The following ABCA13 variants were observed in gnomAD, a reference collection of about 807,000 sequenced individuals.
ABCA13 encodes ATP-binding cassette sub-family A member 13.
Under a neutral mutation model 478.7 loss-of-function variants are expected in ABCA13, and 476 were observed. The observed-to-expected ratio is 0.99, with a 90% CI of 0.92 to 1.07. The LOEUF (loss-of-function observed/expected upper bound fraction) is 1.07, where lower values mean the gene tolerates loss of function less well. Among genes scored for constraint, ABCA13 ranks in the 50% least tolerant of loss-of-function variants. The pLI, the probability that ABCA13 is intolerant of heterozygous loss-of-function variation, is 0.00. For synonymous variants in ABCA13, 2,252 were observed against 2,158.9 expected, an observed-to-expected ratio of 1.04 and a Z score of -1.20; for missense variants, 6,060 against 5,910.6, an observed-to-expected ratio of 1.03 and a Z score of -0.83.
intron 2 of ABCA13, among the ~76,000 whole-genome samples, chr7:48,196,144 C>T (rs575534208): frequency 6.6e-6 from 1 of 152,262 alleles, no homozygotes; most frequent in South Asian, 2.1e-4. Context: ...ATAGAGAGCA[C>T]TAAGTCTGCC....
intron 57 of ABCA13, among the ~76,000 whole-genome samples, chr7:48,594,424 A>C (rs1348841353): frequency 6.7e-6 from 1 of 149,680 alleles, no homozygotes; most frequent in East Asian, 2.0e-4. Flanking sequence ...TTTTTTTATA[A>C]TTTTGATCTG....
chr7:48,585,791 C>G (rs34551031), intron 56 of ABCA13, among the ~76,000 whole-genome samples: 8,286 of 152,016 alleles, frequency 0.055, 249 homozygotes, highest in South Asian at 0.086. Flanking sequence ...ATGATTATAT[C>G]TAAAAAATGA....
At position 48,455,257 on chromosome 7, in the gene ABCA13, T is replaced by C; in HGVS notation, c.12786T>C (p.His4262=). The change falls in exon 43 of 62, where the codon CAT becomes CAC. Residue 4262 remains histidine (H), a synonymous_variant. Transcript: ENST00000435803. ...CTCCCCTCAGACTCACACCTGGACATTACCAGCGGGCCGAGACCTACTTTT... is the reference window on the plus strand; with the variant it reads ...CTCCCCTCAGACTCACACCTGGACACTACCAGCGGGCCGAGACCTACTTTT... ...EYPPLRLTPG[H]YQRAETYFFS... The C allele has an allele frequency of 6.2e-7, 1 of 1,606,754 alleles. No individual in the cohort carries two copies.
At chr7:48,389,322 T>A (rs1815684317) in intron 37 of ABCA13, 102 bp downstream of exon 37, 3 of 1,344,714 alleles carry the variant, frequency 2.2e-6, no homozygotes, top group East Asian at 2.5e-5. Context: ...TTTTTTAAAA[T>A]TTTGAGTCTC....
Position 48,274,210 on chromosome 7 carries a change from C to T in ABCA13, c.4544C>T (p.Ser1515Phe). ...TTAACAACAGACTTTGATTTTGCAT[C>T]TCAGTCCAATTGGAGATATTTTACT... ...NNLTTDFDFA[S>F]QSNWRYFTEL... is the part of the protein sequence containing the mutation. The change falls in exon 17 of 62, where the codon TCT becomes TTT. Residue 1515 changes from serine (S) to phenylalanine (F), a missense_variant. By Grantham distance (155) the Ser-to-Phe change is radical. Coordinates refer to ENST00000435803, the MANE Select transcript of ABCA13 (RefSeq NM_152701.5). 6.2e-7 allele frequency: 1 copy of T among 1,612,780 alleles called. No individual in the cohort carries two copies. The highest frequency in any genetic ancestry group is 1.1e-5 in the South Asian group (1 of 91,014).
intron 58 of ABCA13, among the ~76,000 whole-genome samples, chr7:48,608,832 T>G (rs1476078271): frequency 6.6e-6 from 1 of 152,236 alleles, no homozygotes; most frequent in Non-Finnish European, 1.5e-5. Flanking sequence ...TTGTTCAATT[T>G]TCAGAATTTT....
rs1787273086 is a variant in ABCA13, at chr7:48,568,221, T to G, written c.14355-12003T>G. Among the ~76,000 whole-genome samples the G allele has an allele frequency of 2.0e-5, 3 of 152,134 alleles. No homozygotes were observed. The South Asian group carries it at 6.2e-4, about 31-fold the overall frequency. On this transcript the variant is annotated intron_variant, in intron 55 of 61. Coordinates refer to ENST00000435803, the MANE Select transcript of ABCA13 (RefSeq NM_152701.5). ...CATTGTCAACCATTAATTTACTTTC[T>G]ATCTCCATGGATTTGAGTATCCTGG... is the stretch of plus-strand genomic sequence containing the variant.
At chr7:48,508,804 C>T (rs1256250368) in intron 50 of ABCA13, among the ~76,000 whole-genome samples, 2 of 152,188 alleles carry the variant, frequency 1.3e-5, no homozygotes, top group South Asian at 2.1e-4. Flanking sequence ...GCTGTCTGAG[C>T]TGTGCTACAC....
chr7:48,587,116 T>C (rs1412215407), intron 56 of ABCA13, 38 bp from the exon 57 acceptor site: 4 of 1,610,502 alleles, frequency 2.5e-6, no homozygotes, highest in Non-Finnish European at 3.4e-6. Context: ...GGCACTTTGG[T>C]GAATGCTGGT....
intron 55 of ABCA13, among the ~76,000 whole-genome samples, chr7:48,563,794 TTGTGTG>T (rs200813371): frequency 0.032 from 3,250 of 101,560 alleles, 62 homozygotes; most frequent in African/African-American, 0.03. Context: ...TGTTTACTGC[TTGTGTG>T]TGTGTGTGTG....
intron 59 of ABCA13, among the ~76,000 whole-genome samples, chr7:48,636,064 G>A (rs987957811): frequency 1.3e-5 from 2 of 152,222 alleles, no homozygotes; most frequent in South Asian, 4.1e-4. Context: ...CCGTAAAATA[G>A]GGAGTCTAGT....
rs768708222 is a variant in ABCA13, at chr7:48,364,629, T to A, written c.10689-3165T>A. On this transcript the variant is annotated intron_variant, in intron 31 of 61. Coordinates refer to ENST00000435803, the MANE Select transcript of ABCA13 (RefSeq NM_152701.5). ...TTTCTACCTCAATGAGTTCATTTTA[T>A]TTTTAGCTCCCACGTATGAGTTAGA... Among the ~76,000 whole-genome samples the A allele has an allele frequency of 7.0e-3, 1,063 of 152,302 alleles. 7 individuals carry two copies. Among genetic ancestry groups the A allele is most frequent in the Admixed American group, 0.012 (178 of 15,280 alleles).
intron 3 of ABCA13, among the ~76,000 whole-genome samples, chr7:48,201,039 C>T (rs1273883738): frequency 2.0e-5 from 3 of 152,182 alleles, no homozygotes; most frequent in South Asian, 2.1e-4. Flanking sequence ...ATCGGAGGCT[C>T]GCTCACCGCG....
intron 1 of ABCA13, among the ~76,000 whole-genome samples, chr7:48,174,152 G>A (rs1794529836): frequency 6.6e-6 from 1 of 152,192 alleles, no homozygotes; most frequent in African/African-American, 2.4e-5. Context: ...TTTGAACTAT[G>A]AAAGTGAGGT....
chr7:48,478,953 T>C (rs1349318517), intron 45 of ABCA13, among the ~76,000 whole-genome samples: 1 of 150,706 alleles, frequency 6.6e-6, no homozygotes, highest in Non-Finnish European at 1.5e-5. Flanking sequence ...CTACTCTTTT[T>C]TTTTTTTTTT....
At position 48,309,967 on chromosome 7, in the gene ABCA13, C is replaced by T. The variant is rs138025949; in HGVS notation, c.9342C>T (p.Thr3114=). 85 of 1,613,834 alleles carry T rather than the reference C, an allele frequency of 5.3e-5. No individual in the cohort carries two copies. The East Asian group carries it at 1.4e-3, about 28-fold the overall frequency. The part of the protein sequence containing the change: ...SHSKVLFSAL[T]VALSGKCDQE... ...AACAGGTTCTCTTCAGTGCCCTCAC[C>T]GTAGCTCTGTCTGGAAAGTGTGATC... Residue 3114 remains threonine (T), a synonymous_variant, in exon 24 of 62, where the codon ACC becomes ACT. Coordinates refer to ENST00000435803, the MANE Select transcript of ABCA13 (RefSeq NM_152701.5).
chr7:48,204,058 CCTG>C (rs1562772774), intron 3 of ABCA13, among the ~76,000 whole-genome samples: 2 of 152,020 alleles, frequency 1.3e-5, no homozygotes, highest in Non-Finnish European at 2.9e-5. Flanking sequence ...TTGATTATCA[CCTG>C]CTGCTGCCTC....
chr7:48,557,947 G>A (rs1385451301), intron 55 of ABCA13, among the ~76,000 whole-genome samples: 2 of 151,652 alleles, frequency 1.3e-5, no homozygotes, highest in Non-Finnish European at 2.9e-5. Flanking sequence ...TTGCCCTTTC[G>A]AGGCTATTTT....
rs1797012024 is a variant in ABCA13, at chr7:48,281,376, T to C, written c.8760T>C (p.Thr2920=). The change falls in exon 19 of 62, where the codon ACT becomes ACC. Residue 2920 remains threonine, a synonymous_variant. Transcript: ENST00000435803. The part of the protein sequence containing the change: ...VVEICEVFQQ[T]VKPSEAMEML... Reference sequence around the variant, plus strand: ...AGATTTGTGAAGTTTTCCAGCAGACTGTGAAGCCCTCAGAAGCCATGGAGA... The same window carrying C: ...AGATTTGTGAAGTTTTCCAGCAGACCGTGAAGCCCTCAGAAGCCATGGAGA... 2.5e-6 allele frequency: 4 copies of C among 1,609,148 alleles called. 1 individual carries two copies. The highest frequency in any genetic ancestry group is 3.4e-6 in the Non-Finnish European group (4 of 1,177,770).
Sources: allele counts gnomAD v4.1 joint callset (sites outside exome capture counted in the v4.1 genomes callset), GRCh38; gene constraint gnomAD v4.1.1; transcripts MANE v1.5; gene names NCBI Gene and HGNC (gene_info 2026-07-23, HGNC 2026-07-21).